EYS: variants seen among roughly 807,000 people sequenced by gnomAD.
EYS encodes the protein EGF-like photoreceptor maintenance factor.
A neutral mutation model predicts 282.1 loss-of-function variants in EYS; 250 were observed. That is an observed-to-expected ratio of 0.89 (90% CI 0.80 to 0.98). The LOEUF is 0.98. EYS is among the 50% of genes least tolerant of loss of function. The probability of loss-of-function intolerance (pLI) is 0.00; values close to 1 mark genes in which losing one functional copy is unlikely to be tolerated. For synonymous variants in EYS, 1,355 were observed against 1,282.9 expected (o/e 1.06, Z -1.20); for missense variants, 4,016 against 3,709.0 (o/e 1.08, Z -2.15).
Position 64,495,686 on chromosome 6 carries a change from C to T in EYS, c.5645-56334G>A, listed in dbSNP as rs920943730. Among the ~76,000 whole-genome samples the T allele has an allele frequency of 4.0e-5, 6 of 151,812 alleles. 1 individual carries two copies. The highest frequency in any genetic ancestry group is 1.4e-4 in the African/African-American group (6 of 41,386). On this transcript the variant is annotated intron_variant, in intron 26 of 42. Transcript: ENST00000503581. Reference sequence around the variant, plus strand: ...ATCAAAATGAGCAATGTAGACAAGACATAGAGTAAGACGTTAAACCTTTTA... The same window carrying T: ...ATCAAAATGAGCAATGTAGACAAGATATAGAGTAAGACGTTAAACCTTTTA...
chr6:64,774,611 G>C (rs75838718), intron 22 of EYS, among the ~76,000 whole-genome samples: 6,251 of 151,930 alleles, frequency 0.041, 156 homozygotes, highest in East Asian at 0.074. Context: ...TTCTGTCCTT[G>C]AACCTCAGTC....
chr6:65,231,989 C>A (rs577112144), intron 12 of EYS, among the ~76,000 whole-genome samples: 2 of 151,878 alleles, frequency 1.3e-5, no homozygotes, highest in African/African-American at 2.4e-5. Context: ...CTATTGTGTG[C>A]AAGACCATAT....
intron 41 of EYS, among the ~76,000 whole-genome samples, chr6:63,748,996 T>C (rs1769277498): frequency 6.6e-6 from 1 of 152,204 alleles, no homozygotes; most frequent in Non-Finnish European, 1.5e-5. Context: ...AGTTCAGCTC[T>C]GATTTTGGTT....
In EYS at chr6:64,129,373, A is replaced by G. The variant is rs572273437; in HGVS notation, c.6425-47371T>C. ...TTTGATTTGCATTTCTCTGATGGCC[A>G]GTGATGATGAACATTTTTTCATTTT... On this transcript the variant is annotated intron_variant, in intron 31 of 42. Transcript: ENST00000503581. Among the ~76,000 whole-genome samples the G allele has an allele frequency of 7.9e-4, 121 of 152,340 alleles. 1 individual carries two copies. Among genetic ancestry groups the G allele is most frequent in the South Asian group, 1.2e-3 (6 of 4,828 alleles).
At chr6:65,258,960 C>A (rs1767543821) in intron 12 of EYS, among the ~76,000 whole-genome samples, 1 of 151,966 alleles carries the variant, frequency 6.6e-6, no homozygotes, top group African/African-American at 2.4e-5. Context: ...TGTGGAAATG[C>A]AAGCTGGAGG....
Position 65,133,275 on chromosome 6 carries a change from CA to C in EYS, c.2024-75549del, listed in dbSNP as rs1242494404. Among the ~76,000 whole-genome samples, 13 of 151,350 alleles carry C rather than the reference CA, an allele frequency of 8.6e-5. No individual in the cohort carries two copies. In the South Asian group the frequency reaches 2.1e-3, roughly 24 times the overall value. ...TAACCAAGGCAATCTTAGGCAAAAACAAAAACAAAAAAAGCAAACAACAACA... is the reference window on the plus strand; with the variant it reads ...TAACCAAGGCAATCTTAGGCAAAAACAAAACAAAAAAAGCAAACAACAACA... On this transcript the variant is annotated intron_variant, in intron 12 of 42. Coordinates refer to ENST00000503581, the MANE Select transcript of EYS (RefSeq NM_001142800.2).
At chr6:65,268,330 T>C (rs947531512) in intron 12 of EYS, among the ~76,000 whole-genome samples, 1 of 152,076 alleles carries the variant, frequency 6.6e-6, no homozygotes, top group African/African-American at 2.4e-5. Context: ...GTAGATCATA[T>C]GATAAAAAGG....
At chr6:64,777,079 A>G (rs1312570344) in intron 22 of EYS, among the ~76,000 whole-genome samples, 5 of 152,134 alleles carry the variant, frequency 3.3e-5, no homozygotes, top group African/African-American at 1.2e-4. Context: ...TTAAACCATC[A>G]CATCTTATGA....
chr6:64,132,234 A>T (rs1036692144), intron 31 of EYS, among the ~76,000 whole-genome samples: 16 of 152,048 alleles, frequency 1.1e-4, no homozygotes, highest in African/African-American at 3.6e-4. Context: ...ATACATTTTT[A>T]AAAATATAAA....
chr6:64,031,974 A>G (rs772304735), intron 33 of EYS, among the ~76,000 whole-genome samples: 2 of 152,076 alleles, frequency 1.3e-5, no homozygotes, highest in African/African-American at 4.8e-5. Context: ...ACTCTTTGCA[A>G]TGAATCTTGC....
intron 33 of EYS, among the ~76,000 whole-genome samples, chr6:64,033,679 G>T (rs1769971581): frequency 8.4e-6 from 1 of 119,272 alleles, no homozygotes; most frequent in Non-Finnish European, 1.7e-5. Flanking sequence ...ATTCAGATCA[G>T]ATAGGTTGCT....
chr6:64,387,817 C>T (rs1468055661), intron 29 of EYS, among the ~76,000 whole-genome samples: 1 of 152,034 alleles, frequency 6.6e-6, no homozygotes, highest in Non-Finnish European at 1.5e-5. Context: ...TCCTTAAAGG[C>T]ATATGTATCA....
At chr6:65,016,181 T>C (rs1158856048) in intron 13 of EYS, among the ~76,000 whole-genome samples, 2 of 151,434 alleles carry the variant, frequency 1.3e-5, no homozygotes, top group Non-Finnish European at 2.9e-5. Flanking sequence ...TTGGATAACA[T>C]GGTGAAACCT....
intron 29 of EYS, among the ~76,000 whole-genome samples, chr6:64,319,245 T>G (rs1582591251): frequency 6.6e-6 from 1 of 152,034 alleles, no homozygotes; most frequent in Non-Finnish European, 1.5e-5. Context: ...AAAAACAACT[T>G]CAATAGTTTC....
intron 8 of EYS, among the ~76,000 whole-genome samples, chr6:65,360,049 T>TGC (rs1348090506): frequency 3.9e-5 from 6 of 152,024 alleles, no homozygotes; most frequent in Non-Finnish European, 5.9e-5. Context: ...ATATTTTCAA[T>TGC]GGAAGTTTTA....
intron 12 of EYS, among the ~76,000 whole-genome samples, chr6:65,084,547 T>C (rs184296171): frequency 4.4e-4 from 67 of 152,258 alleles, no homozygotes; most frequent in African/African-American, 1.1e-3. Flanking sequence ...GCTTATTTTG[T>C]CAAAACATCT....
At chr6:64,593,000 C>G in intron 25 of EYS, 117 bp downstream of exon 25, 1 of 684,930 alleles carries the variant, frequency 1.5e-6, no homozygotes, top group Non-Finnish European at 2.2e-6. Flanking sequence ...TAATTTTACA[C>G]CCCTAAAAAT....
chr6:63,760,695 T>C (rs1008895243), intron 41 of EYS, among the ~76,000 whole-genome samples: 1 of 138,654 alleles, frequency 7.2e-6, no homozygotes, highest in South Asian at 2.3e-4. Flanking sequence ...TATCTATCTA[T>C]CTATCTAATC....
chr6:65,617,553 A>T (rs935754615), intron 2 of EYS, among the ~76,000 whole-genome samples: 1 of 151,340 alleles, frequency 6.6e-6, no homozygotes, highest in Non-Finnish European at 1.5e-5. Flanking sequence ...TATATTTTTT[A>T]AATTTATTAT....
Sources: allele counts gnomAD v4.1 joint callset (sites outside exome capture counted in the v4.1 genomes callset), GRCh38; gene constraint gnomAD v4.1.1; transcripts MANE v1.5; gene names NCBI Gene and HGNC (gene_info 2026-07-23, HGNC 2026-07-21).